The following PARP11 variants were observed in gnomAD, a reference collection of about 807,000 sequenced individuals.
PARP11 encodes the protein poly(ADP-ribose) polymerase family member 11.
PARP11 carries 31 observed loss-of-function variants against 42.9 expected under a neutral mutation model. That is an observed-to-expected ratio of 0.72 (90% CI 0.54 to 0.98). PARP11 has a LOEUF of 0.98. PARP11 is among the 50% of genes least tolerant of loss of function. The pLI is 0.00. For missense variants in PARP11, 365 were observed against 413.1 expected, an observed-to-expected ratio of 0.88 and a Z score of 1.01; for synonymous variants, 137 against 127.3, an observed-to-expected ratio of 1.08 and a Z score of -0.51.
chr12:3,832,915 G>A (rs903182464), intron 1 of PARP11, among the ~76,000 whole-genome samples: 2 of 152,186 alleles, frequency 1.3e-5, no homozygotes, highest in African/African-American at 4.8e-5. Flanking sequence ...CAAGGGCAAT[G>A]GGTATGCTGG....
At chr12:3,868,985 A>T (rs1463429785) in intron 1 of PARP11, among the ~76,000 whole-genome samples, 1 of 152,168 alleles carries the variant, frequency 6.6e-6, no homozygotes, top group East Asian at 1.9e-4. Flanking sequence ...GAGAGAATCT[A>T]TTTCCGTGGT....
chr12:3,868,285 A>G (rs1425536831), intron 1 of PARP11, among the ~76,000 whole-genome samples: 1 of 152,130 alleles, frequency 6.6e-6, no homozygotes, highest in Non-Finnish European at 1.5e-5. Context: ...ACACAGTGAA[A>G]CCCTGTCTCT....
intron 1 of PARP11, among the ~76,000 whole-genome samples, chr12:3,865,646 T>G (rs1948377337): frequency 6.6e-6 from 1 of 152,144 alleles, no homozygotes; most frequent in African/African-American, 2.4e-5. Context: ...AAATCTACCT[T>G]AACAACAATA....
intron 1 of PARP11, among the ~76,000 whole-genome samples, chr12:3,833,584 G>A (rs1316572533): frequency 2.0e-5 from 3 of 152,080 alleles, no homozygotes; most frequent in Non-Finnish European, 2.9e-5. Flanking sequence ...AGCTTGACAC[G>A]GCAGAACCCT....
chr12:3,841,900 G>A lies in PARP11; in HGVS notation c.19-11882C>T, dbSNP rs923279633. The A allele has an allele frequency of 3.7e-6, 6 of 1,608,112 alleles. No individual in the cohort carries two copies. The African/African-American group carries it at 8.0e-5, about 21-fold the overall frequency. Reference sequence around the variant, plus strand: ...AGATTGTGGTTCAGTTTCCACAGTAGATGAGTTTCCAGCAGCCAGGAGTGA... The same window carrying A: ...AGATTGTGGTTCAGTTTCCACAGTAAATGAGTTTCCAGCAGCCAGGAGTGA... On this transcript the variant is annotated intron_variant, in intron 1 of 7. Coordinates refer to ENST00000228820, the MANE Select transcript of PARP11 (RefSeq NM_020367.6).
At chr12:3,847,371 G>C (rs530433252) in intron 1 of PARP11, among the ~76,000 whole-genome samples, 5 of 152,134 alleles carry the variant, frequency 3.3e-5, no homozygotes, top group South Asian at 2.1e-4. Context: ...AACAAACAAA[G>C]AAAACCATAG....
chr12:3,812,307 A>C lies in PARP11; in HGVS notation c.833T>G (p.Phe278Cys), dbSNP rs1405210657. 2 of 1,614,200 alleles carry C rather than the reference A, an allele frequency of 1.2e-6. No homozygotes were observed. Among genetic ancestry groups the C allele is most frequent in the South Asian group, 1.1e-5 (1 of 91,082 alleles). ...RHLFRTYKSM[F>C]LARVLIGDYI... ...ATCTCCAATTAGCACTCGAGCAAGA[A>C]ACATAGATTTATATGTTCTAAACAG... The change falls in exon 8 of 8, where the codon TTT (phenylalanine) becomes TGT (cysteine). Residue 278 changes from phenylalanine to cysteine, a missense_variant. Transcript: ENST00000228820.
chr12:3,839,038 G>T (rs1947827364), intron 1 of PARP11, among the ~76,000 whole-genome samples: 1 of 152,242 alleles, frequency 6.6e-6, no homozygotes, highest in South Asian at 2.1e-4. Flanking sequence ...CCTTAATCCC[G>T]CTCCCCCCGT....
rs1947817066 is a variant in PARP11 at position 3,838,763 on chromosome 12, C to T, written c.19-8745G>A. ...TCCAGGGGGAGCCCCCACCCGCTCCCCGCCCCTCCGGCGCCCTCCAGCGTG... is the reference window on the plus strand; with the variant it reads ...TCCAGGGGGAGCCCCCACCCGCTCCTCGCCCCTCCGGCGCCCTCCAGCGTG... On this transcript the variant is annotated intron_variant, in intron 1 of 7. Transcript: ENST00000228820. Among the ~76,000 whole-genome samples the T allele has an allele frequency of 2.6e-5, 4 of 152,358 alleles. No individual in the cohort carries two copies. In the South Asian group the frequency reaches 8.3e-4, roughly 32 times the overall value.
At chr12:3,852,677 G>A (rs1013322127) in intron 1 of PARP11, among the ~76,000 whole-genome samples, 6 of 152,186 alleles carry the variant, frequency 3.9e-5, no homozygotes, top group African/African-American at 7.2e-5. Flanking sequence ...TGAAAGTGAC[G>A]GGGCGAATGG....
rs1272983869 is a variant in PARP11 at position 3,809,380 on chromosome 12, C to G, written c.*2743G>C. On this transcript the variant is annotated 3_prime_UTR_variant, in exon 8 of 8. Transcript: ENST00000228820. ...AAAAGAGGGGTTGGCAGTACATTCT[C>G]AGACCAAACAACAACAACAAGCCCC... 6.6e-6 allele frequency: 1 copy of G among 152,148 alleles called. No homozygotes were observed. The highest frequency in any genetic ancestry group is 2.4e-5 in the African/African-American group (1 of 41,438). 9.4% of individuals were successfully genotyped at this position (152,148 alleles called of 1,614,324 possible). A position where few individuals can be genotyped will look rare whatever the true frequency, so the allele number is the denominator to read the frequency against.
chr12:3,865,213 A>C (rs1287383341), intron 1 of PARP11, among the ~76,000 whole-genome samples: 1 of 152,184 alleles, frequency 6.6e-6, no homozygotes, highest in African/African-American at 2.4e-5. Context: ...CAGAAAGTAC[A>C]TCTTGCTTGA....
intron 1 of PARP11, among the ~76,000 whole-genome samples, chr12:3,831,467 A>T (rs3759358): frequency 0.2 from 30,925 of 152,018 alleles, 3,925 homozygotes; most frequent in East Asian, 0.36. Flanking sequence ...AATAAGTTTC[A>T]ATTGCCTTGT....
chr12:3,841,869 G>A, intron 1 of PARP11: 6 of 1,608,546 alleles, frequency 3.7e-6, no homozygotes, highest in Non-Finnish European at 5.1e-6. Context: ...ATCTGGATCT[G>A]TCTAAAGATT....
At chr12:3,828,812 C>A (rs1947580289) in intron 3 of PARP11, 98 bp downstream of exon 3, 1 of 1,055,266 alleles carries the variant, frequency 9.5e-7, no homozygotes, top group East Asian at 2.5e-5. Context: ...ATATACTTCA[C>A]TGTTTGCAAA....
Position 3,812,299 on chromosome 12 carries a change from G to C in PARP11, c.841C>G (p.Arg281Gly). ...TTTATGTAATCTCCAATTAGCACTC[G>C]AGCAAGAAACATAGATTTATATGTT... ...FRTYKSMFLA[R>G]VLIGDYINGD... The change falls in exon 8 of 8, where the codon CGA (arginine) becomes GGA (glycine). Residue 281 changes from arginine to glycine, a missense_variant. Transcript: ENST00000228820. 1 of 1,614,164 alleles carries C rather than the reference G, an allele frequency of 6.2e-7. No homozygotes were observed. Among genetic ancestry groups the C allele is most frequent in the Non-Finnish European group, 8.5e-7 (1 of 1,180,020 alleles).
At chr12:3,812,495 C>T in intron 7 of PARP11, 56 bp from the exon 8 acceptor site, 1 of 1,291,522 alleles carries the variant, frequency 7.7e-7, no homozygotes, top group East Asian at 2.3e-5. Flanking sequence ...ATATTAAAAA[C>T]AAGCAAAAAC....
chr12:3,828,472 C>T (rs888543330), intron 3 of PARP11, among the ~76,000 whole-genome samples: 1 of 149,014 alleles, frequency 6.7e-6, no homozygotes, highest in Non-Finnish European at 1.5e-5. Context: ...TGCTTGAACC[C>T]GGGAGGCGGA....
At chr12:3,857,335 C>T (rs1003477108) in intron 1 of PARP11, among the ~76,000 whole-genome samples, 13 of 152,144 alleles carry the variant, frequency 8.5e-5, no homozygotes, top group African/African-American at 2.9e-4. Flanking sequence ...GGATAAAACA[C>T]GGTGATCATG....
Sources: allele counts gnomAD v4.1 joint callset (sites outside exome capture counted in the v4.1 genomes callset), GRCh38; gene constraint gnomAD v4.1.1; transcripts MANE v1.5; gene names NCBI Gene and HGNC (gene_info 2026-07-23, HGNC 2026-07-21).